Variants in POLR3B observed in about 807,000 individuals in gnomAD.
The protein encoded by POLR3B is DNA-directed RNA polymerase III subunit RPC2.
A neutral mutation model predicts 147.4 loss-of-function variants in POLR3B; 96 were observed. That is an observed-to-expected ratio of 0.65 (90% confidence interval 0.55 to 0.77). POLR3B has a LOEUF of 0.77. POLR3B is among the 30% of genes least tolerant of loss of function. The pLI is 0.00. For missense variants in POLR3B, 1,036 were observed against 1,413.5 expected (o/e 0.73, Z 4.28); for synonymous variants, 461 against 485.9 (o/e 0.95, Z 0.67).
intron 23 of POLR3B, among the ~76,000 whole-genome samples, chr12:106,471,464 A>G (rs894152268): frequency 2.0e-5 from 3 of 152,032 alleles, no homozygotes; most frequent in African/African-American, 4.8e-5. Flanking sequence ...GCCTTCCGTG[A>G]GGTGCACCCA....
intron 23 of POLR3B, among the ~76,000 whole-genome samples, chr12:106,494,044 A>C (rs1238181709): frequency 6.6e-6 from 1 of 152,170 alleles, no homozygotes; most frequent in African/African-American, 2.4e-5. Context: ...ATGTCAGAAG[A>C]GGGCTGATAA....
chr12:106,472,153 G>A (rs1303634654), intron 23 of POLR3B, among the ~76,000 whole-genome samples: 170 of 107,924 alleles, frequency 1.6e-3, no homozygotes, highest in African/African-American at 3.9e-3. Flanking sequence ...GAGAATGATG[G>A]TTTCCAATTT....
chr12:106,376,629 C>CTTTTTTTTTTTTTTTTTTT (rs137973753), intron 7 of POLR3B, among the ~76,000 whole-genome samples, 179 bp downstream of exon 7: 1 of 147,448 alleles, frequency 6.8e-6, no homozygotes, highest in African/African-American at 2.6e-5. Flanking sequence ...TTCTTTCTTT[C>CTTTTTTTTTTTTTTTTTTT]TTTTTTGAGA....
chr12:106,364,299 T>G (rs1194591663), intron 2 of POLR3B, among the ~76,000 whole-genome samples: 1 of 152,248 alleles, frequency 6.6e-6, no homozygotes, highest in Non-Finnish European at 1.5e-5. Flanking sequence ...CCACAGAGTC[T>G]GCAGGAAATA....
intron 10 of POLR3B, among the ~76,000 whole-genome samples, chr12:106,398,046 C>G (rs1027936671): frequency 6.1e-4 from 93 of 152,236 alleles, no homozygotes; most frequent in African/African-American, 2.2e-3. Flanking sequence ...TCACCTCACC[C>G]AGGAAGCACA....
chr12:106,396,093 A>G lies in POLR3B; in HGVS notation c.846+2940A>G, dbSNP rs922773837. Among the ~76,000 whole-genome samples the G allele has an allele frequency of 2.0e-5, 3 of 152,168 alleles. No homozygotes were observed. The East Asian group carries it at 5.8e-4, about 29-fold the overall frequency. ...TCTAGTATATAGAGAAGAAAGTACT[A>G]GCTGTAGCGGGGGATAGGAGGCACT... is the stretch of plus-strand genomic sequence containing the variant. On this transcript the variant is annotated intron_variant, in intron 10 of 27. Coordinates refer to ENST00000228347, the MANE Select transcript of POLR3B (RefSeq NM_018082.6).
chr12:106,482,676 C>A (rs918926878), intron 23 of POLR3B, among the ~76,000 whole-genome samples: 1 of 152,148 alleles, frequency 6.6e-6, no homozygotes, highest in Non-Finnish European at 1.5e-5. Flanking sequence ...GGACACAAAT[C>A]TAAACCATAT....
chr12:106,408,815 C>G (rs1593024592), intron 11 of POLR3B, among the ~76,000 whole-genome samples: 1 of 152,194 alleles, frequency 6.6e-6, no homozygotes, highest in African/African-American at 2.4e-5. Flanking sequence ...CCATATGACT[C>G]TGGGAACAGT....
intron 12 of POLR3B, among the ~76,000 whole-genome samples, chr12:106,420,850 C>T (rs2037364979): frequency 6.6e-6 from 1 of 152,146 alleles, no homozygotes; most frequent in African/African-American, 2.4e-5. Flanking sequence ...AACAACTAGA[C>T]TATTACCAAT....
intron 6 of POLR3B, among the ~76,000 whole-genome samples, chr12:106,370,641 T>C (rs898433661): frequency 4.0e-5 from 6 of 150,350 alleles, no homozygotes; most frequent in African/African-American, 1.5e-4. Flanking sequence ...GTTTTTTTTT[T>C]TTTTTTTTGA....
At chr12:106,472,986 T>C (rs1213954522) in intron 23 of POLR3B, among the ~76,000 whole-genome samples, 6 of 116,442 alleles carry the variant, frequency 5.2e-5, no homozygotes, top group Non-Finnish European at 1.0e-4. Flanking sequence ...CTAGGGTTTT[T>C]ATGGTTTTAG....
chr12:106,370,503 T>G (rs1031826303), intron 6 of POLR3B, among the ~76,000 whole-genome samples: 2 of 152,186 alleles, frequency 1.3e-5, no homozygotes, highest in Non-Finnish European at 2.9e-5. Context: ...CCTCCTATAC[T>G]TCCCTCAAAG....
chr12:106,482,485 C>T (rs2038281247), intron 23 of POLR3B, among the ~76,000 whole-genome samples: 1 of 152,068 alleles, frequency 6.6e-6, no homozygotes, highest in South Asian at 2.1e-4. Context: ...GCACATCTTA[C>T]ACGGCCAGAG....
rs199806436 is a variant in POLR3B at position 106,477,842 on chromosome 12, G to GGGAGCT, written c.2713+14224_2713+14229dup. On this transcript the variant is annotated intron_variant, in intron 23 of 27. Coordinates refer to ENST00000228347, the MANE Select transcript of POLR3B (RefSeq NM_018082.6). ...CCGTCTTCTGCGTCGCTCACGGGCT[G>GGGAGCT]GGAGCTGTAGACGGGAGCTGTTCCT... Among the ~76,000 whole-genome samples the GGGAGCT allele has an allele frequency of 4.5e-3, 682 of 151,192 alleles. 7 individuals are homozygous for GGGAGCT. The highest frequency in any genetic ancestry group is 0.016 in the African/African-American group (653 of 41,114).
rs113526006 is a variant in POLR3B at position 106,451,631 on chromosome 12, GGC to G, written c.2084-2869_2084-2868del. 2.0e-3 allele frequency among the ~76,000 whole-genome samples: 222 copies of G among 108,848 alleles called. 15 individuals are homozygous for G. Among genetic ancestry groups the G allele is most frequent in the African/African-American group, 7.7e-3 (185 of 24,150 alleles). The allele number at this position is 108,848 out of a possible 152,430, so 71.4% of individuals were successfully genotyped here. ...AGTGAGACTCTGTTATTTAAAAAAA[GGC>G]GGGGGGGGAGGAGAGGGGAGGGAAG... On this transcript the variant is annotated intron_variant, in intron 19 of 27. Transcript: ENST00000228347.
chr12:106,496,777 C>A lies in POLR3B; in HGVS notation c.2843C>A (p.Ala948Asp). The A allele has an allele frequency of 6.2e-7, 1 of 1,614,140 alleles. No homozygotes were observed. ...MTVGKLIELL[A>D]GKAGVLDGRF... ...GTGGGGAAGCTCATTGAGCTGCTGG[C>A]TGGCAAGGCCGGTGTGCTGGACGGC... The change falls in exon 25 of 28, where the codon GCT becomes GAT. Residue 948 changes from alanine (A) to aspartate (D), a missense_variant. By Grantham distance (126) the Ala-to-Asp change is moderately radical (BLOSUM62 -2). Transcript: ENST00000228347.
intron 18 of POLR3B, among the ~76,000 whole-genome samples, 179 bp from the exon 19 acceptor site, chr12:106,444,284 T>C: frequency 6.6e-6 from 1 of 152,338 alleles, no homozygotes; most frequent in South Asian, 2.1e-4. Flanking sequence ...AATTACAATT[T>C]CTTATGTTTT....
intron 23 of POLR3B, among the ~76,000 whole-genome samples, chr12:106,475,908 T>C (rs1210027719): frequency 6.6e-6 from 1 of 151,634 alleles, no homozygotes; most frequent in Non-Finnish European, 1.5e-5. Flanking sequence ...ATCCTGTCAT[T>C]ATGATGTTAG....
At position 106,504,314 on chromosome 12, in the gene POLR3B, G is replaced by T; in HGVS notation, c.3272+60G>T. On this transcript the variant is annotated intron_variant, in intron 27 of 27. Coordinates refer to ENST00000228347, the MANE Select transcript of POLR3B (RefSeq NM_018082.6). The surrounding 1 kb of genome is among the most constrained non-coding windows in gnomAD (Gnocchi z 4.6). ...CCTTGCCTCTTAAATCACAGCTCAA[G>T]AATTGACCCTGGATCCTATCCGCAT... 5 of 1,373,558 alleles carry T rather than the reference G, an allele frequency of 3.6e-6. No homozygotes were observed. The South Asian group carries it at 5.8e-5, about 16-fold the overall frequency. The allele number at this position is 1,373,558 out of a possible 1,614,324, so 85.1% of individuals were successfully genotyped here. A position where few individuals can be genotyped will look rare whatever the true frequency, so the allele number is the denominator to read the frequency against.
Sources: gnomAD v4.1 joint callset for allele counts (sites outside exome capture counted in the v4.1 genomes callset) on GRCh38, gnomAD v4.1.1 for gene constraint, Gnocchi (gnomAD v3.1) non-coding constraint, MANE v1.5 for transcripts, NCBI Gene and HGNC (gene_info 2026-07-23, HGNC 2026-07-21) for gene names.